The following SUGCT variants were observed in gnomAD, a reference collection of about 807,000 sequenced individuals.
The protein encoded by SUGCT is succinyl-CoA:glutarate CoA-transferase.
Under a neutral mutation model 55.0 loss-of-function variants are expected in SUGCT, and 41 were observed. The observed-to-expected ratio is 0.74, with a 90% CI of 0.58 to 0.97. SUGCT has a LOEUF of 0.97. Ranked by LOEUF, SUGCT falls within the 50% of genes least tolerant of loss-of-function variation. SUGCT has a pLI of 0.00. For missense variants in SUGCT, 568 were observed against 547.8 expected (o/e 1.04, Z -0.37); for synonymous variants, 187 against 200.4 (o/e 0.93, Z 0.56).
chr7:40,916,275 G>C, the SUGCT span, among the ~76,000 whole-genome samples: 1 of 151,934 alleles, frequency 6.6e-6, no homozygotes, highest in African/African-American at 2.4e-5. Flanking sequence ...TCTAGGTATG[G>C]GTCCACTTAC....
intron 9 of SUGCT, among the ~76,000 whole-genome samples, chr7:40,358,787 CAAAG>C (rs1426969712): frequency 6.6e-6 from 1 of 152,054 alleles, no homozygotes; most frequent in African/African-American, 2.4e-5. Context: ...GAATTTTCGA[CAAAG>C]AAAGAACTTA....
At chr7:40,771,631 A>G (rs958564982) in intron 13 of SUGCT, among the ~76,000 whole-genome samples, 1 of 152,194 alleles carries the variant, frequency 6.6e-6, no homozygotes, top group Non-Finnish European at 1.5e-5. Context: ...ATTTTTCAAT[A>G]TGTAGGTCTT....
At chr7:40,651,662 A>ATTG (rs1449672174) in intron 12 of SUGCT, among the ~76,000 whole-genome samples, 4 of 151,934 alleles carry the variant, frequency 2.6e-5, no homozygotes, top group African/African-American at 4.8e-5. Context: ...TTTATCTTTG[A>ATTG]TTGTTGCTAC....
chr7:40,439,458 G>A (rs1467778601), intron 9 of SUGCT, among the ~76,000 whole-genome samples: 3 of 151,740 alleles, frequency 2.0e-5, no homozygotes, highest in South Asian at 4.2e-4. Context: ...ATATCTTTTT[G>A]TCATATCCAT....
chr7:40,200,440 AG>A (rs905332382), intron 6 of SUGCT, among the ~76,000 whole-genome samples: 2 of 151,642 alleles, frequency 1.3e-5, no homozygotes, highest in East Asian at 3.9e-4. Context: ...TTTTTTTTTG[AG>A]GGGGGTAACA....
the SUGCT span, among the ~76,000 whole-genome samples, chr7:40,933,169 A>T: frequency 6.6e-6 from 1 of 151,924 alleles, no homozygotes; most frequent in African/African-American, 2.4e-5. Flanking sequence ...TCTGTAAAGG[A>T]TTTTATTTCT....
the SUGCT span, among the ~76,000 whole-genome samples, chr7:40,895,867 A>C: frequency 1.3e-5 from 2 of 152,188 alleles, no homozygotes; most frequent in African/African-American, 4.8e-5. Flanking sequence ...AATAAAAACC[A>C]CATATGATAA....
At chr7:41,029,567 G>A in the SUGCT span, among the ~76,000 whole-genome samples, 2 of 152,156 alleles carry the variant, frequency 1.3e-5, no homozygotes, top group African/African-American at 2.4e-5. Context: ...AAAAACCCAT[G>A]CCAGAGACTT....
At chr7:40,403,318 A>G (rs1786183354) in intron 9 of SUGCT, among the ~76,000 whole-genome samples, 1 of 152,188 alleles carries the variant, frequency 6.6e-6, no homozygotes, top group Admixed American at 6.6e-5. Context: ...AGCTTTATTC[A>G]CAGATACATA....
intron 12 of SUGCT, among the ~76,000 whole-genome samples, chr7:40,534,472 C>T (rs894659876): frequency 2.6e-5 from 4 of 152,190 alleles, no homozygotes; most frequent in Admixed American, 6.5e-5. Context: ...GCAACCTCCA[C>T]CTCCCAGGTT....
chr7:40,834,633 T>C (rs910086654), intron 13 of SUGCT, among the ~76,000 whole-genome samples: 14 of 152,200 alleles, frequency 9.2e-5, no homozygotes, highest in African/African-American at 3.4e-4. Context: ...ACCTGGAACA[T>C]GGCACTTAAT....
At chr7:40,842,404 C>T (rs1234994153) in intron 13 of SUGCT, among the ~76,000 whole-genome samples, 10 of 152,220 alleles carry the variant, frequency 6.6e-5, no homozygotes, top group Admixed American at 6.5e-4. Flanking sequence ...ACTCATTTTG[C>T]ATGGTTCATG....
At chr7:40,585,714 C>T (rs908646708) in intron 12 of SUGCT, among the ~76,000 whole-genome samples, 2 of 152,148 alleles carry the variant, frequency 1.3e-5, no homozygotes, top group African/African-American at 4.8e-5. Flanking sequence ...GGATCTCACT[C>T]TGGCACCCCG....
intron 13 of SUGCT, among the ~76,000 whole-genome samples, chr7:40,844,102 C>T (rs778595850): frequency 6.6e-6 from 1 of 152,118 alleles, no homozygotes; most frequent in East Asian, 1.9e-4. Flanking sequence ...GGAACCACGG[C>T]AGCATCCAAG....
chr7:40,250,640 A>G (rs1790308030), intron 7 of SUGCT, among the ~76,000 whole-genome samples: 1 of 151,988 alleles, frequency 6.6e-6, no homozygotes, highest in Non-Finnish European at 1.5e-5. Context: ...ATTTTTGCTA[A>G]TTTGAAGCAA....
the SUGCT span, among the ~76,000 whole-genome samples, chr7:40,896,181 T>C: frequency 1.3e-5 from 2 of 152,132 alleles, no homozygotes; most frequent in African/African-American, 2.4e-5. Context: ...AAATAAGTTG[T>C]ATTTCTGTAC....
intron 12 of SUGCT, among the ~76,000 whole-genome samples, chr7:40,508,638 A>G (rs1365270828): frequency 1.3e-5 from 2 of 152,124 alleles, no homozygotes; most frequent in East Asian, 1.9e-4. Flanking sequence ...ACTAAGATTT[A>G]GTTGATTCTC....
intron 12 of SUGCT, among the ~76,000 whole-genome samples, chr7:40,655,615 ACAGTG>A (rs1197053520): frequency 2.6e-5 from 4 of 152,212 alleles, no homozygotes; most frequent in Non-Finnish European, 5.9e-5. Flanking sequence ...AATGCCAGGG[ACAGTG>A]ATTGTCCTGC....
In SUGCT at chr7:40,234,908, C is replaced by CA. The variant is rs1040934539; in HGVS notation, c.485-2719dup. ...TGGGTGACAGAGTGAGACCCAGTTT[C>CA]AAAAAAAAGAAAAAAGAAAAAAAAA... On this transcript the variant is annotated intron_variant, in intron 6 of 13. Transcript: ENST00000335693. Among the ~76,000 whole-genome samples the CA allele has an allele frequency of 5.7e-5, 8 of 139,338 alleles. No individual in the cohort carries two copies. The Admixed American group carries it at 5.9e-4, about 10-fold the overall frequency. The allele number at this position is 139,338 out of a possible 152,430, so 91.4% of individuals were successfully genotyped here. A position where few individuals can be genotyped will look rare whatever the true frequency, so the allele number is the denominator to read the frequency against.
Sources: allele counts gnomAD v4.1 joint callset (sites outside exome capture counted in the v4.1 genomes callset), GRCh38; gene constraint gnomAD v4.1.1; transcripts MANE v1.5; gene names NCBI Gene and HGNC (gene_info 2026-07-23, HGNC 2026-07-21).